Variants in RALYL observed in about 807,000 individuals in gnomAD.
RALYL encodes the protein RALY RNA binding protein like, also known as RNA-binding Raly-like protein.
Under a neutral mutation model 35.1 loss-of-function variants are expected in RALYL, and 29 were observed. The observed-to-expected ratio is 0.83, with a 90% CI of 0.61 to 1.13. RALYL has a LOEUF of 1.13. Ranked by LOEUF, RALYL falls within the 50% of genes most tolerant of loss-of-function variation. The pLI, the probability that RALYL is intolerant of heterozygous loss-of-function variation, is 0.00. For missense variants in RALYL, 359 were observed against 360.4 expected (o/e 1.00, Z 0.03); for synonymous variants, 120 against 127.6 (o/e 0.94, Z 0.40).
chr8:84,620,973 T>C, intron 2 of RALYL, among the ~76,000 whole-genome samples: 1 of 152,138 alleles, frequency 6.6e-6, no homozygotes, highest in South Asian at 2.1e-4. Flanking sequence ...AGCTGCGTGC[T>C]GGGAGAACCA....
At chr8:84,336,967 C>T (rs1847914968) in intron 1 of RALYL, among the ~76,000 whole-genome samples, 1 of 150,486 alleles carries the variant, frequency 6.6e-6, no homozygotes, top group Admixed American at 6.7e-5. Flanking sequence ...TGGAAATCTG[C>T]ACACTACTAG....
At chr8:84,650,224 C>A (rs893518798) in intron 2 of RALYL, among the ~76,000 whole-genome samples, 17 of 152,132 alleles carry the variant, frequency 1.1e-4, no homozygotes, top group African/African-American at 3.9e-4. Flanking sequence ...ATGTCATCTG[C>A]AAACAGGGAC....
intron 1 of RALYL, among the ~76,000 whole-genome samples, chr8:84,237,104 A>G (rs1444258401): frequency 6.6e-6 from 1 of 152,212 alleles, no homozygotes; most frequent in East Asian, 1.9e-4. Context: ...CTAGCAGACC[A>G]AGAATACTGC....
chr8:84,418,943 A>G (rs1220472472), intron 1 of RALYL, among the ~76,000 whole-genome samples: 1 of 152,078 alleles, frequency 6.6e-6, no homozygotes, highest in Non-Finnish European at 1.5e-5. Context: ...TGCATTGTCT[A>G]AGTATCTCCC....
chr8:84,357,179 A>G (rs190690488), intron 1 of RALYL, among the ~76,000 whole-genome samples: 203 of 152,210 alleles, frequency 1.3e-3, no homozygotes, highest in African/African-American at 4.5e-3. Flanking sequence ...ACATTGTAGG[A>G]TGACACTTCT....
At chr8:84,397,507 G>C (rs1261856296) in intron 1 of RALYL, among the ~76,000 whole-genome samples, 1 of 152,052 alleles carries the variant, frequency 6.6e-6, no homozygotes, top group East Asian at 1.9e-4. Context: ...ACAAAGGTAG[G>C]CTAGCTGGTA....
chr8:84,228,564 G>A (rs1016552309), intron 1 of RALYL, among the ~76,000 whole-genome samples: 1 of 152,198 alleles, frequency 6.6e-6, no homozygotes, highest in Non-Finnish European at 1.5e-5. Context: ...ACTTCTATAT[G>A]TCTTAGGATA....
At chr8:84,425,931 G>A (rs1563908661) in intron 1 of RALYL, among the ~76,000 whole-genome samples, 1 of 151,774 alleles carries the variant, frequency 6.6e-6, no homozygotes, top group Non-Finnish European at 1.5e-5. Context: ...TGGGTTCATT[G>A]GAACTAGGAA....
At chr8:84,544,909 G>A (rs185338001) in intron 2 of RALYL, among the ~76,000 whole-genome samples, 2 of 151,744 alleles carry the variant, frequency 1.3e-5, no homozygotes, top group East Asian at 3.9e-4. Context: ...GTTTTAATTT[G>A]TATTTCTCTT....
chr8:84,468,529 G>C (rs991313090), intron 1 of RALYL, among the ~76,000 whole-genome samples: 12 of 149,480 alleles, frequency 8.0e-5, no homozygotes, highest in Non-Finnish European at 1.5e-4. Context: ...AGTCTGATGG[G>C]CTTCCCTTTG....
At chr8:84,709,331 G>A (rs893012586) in intron 2 of RALYL, among the ~76,000 whole-genome samples, 1 of 151,884 alleles carries the variant, frequency 6.6e-6, no homozygotes, top group African/African-American at 2.4e-5. Context: ...AGATCCTTGG[G>A]TGCCCATGGA....
chr8:84,889,869 C>T (rs1025904447), intron 8 of RALYL, among the ~76,000 whole-genome samples: 5 of 152,112 alleles, frequency 3.3e-5, no homozygotes, highest in Non-Finnish European at 5.9e-5. Context: ...GTTAATGCTA[C>T]TTCCAACTCA....
intron 1 of RALYL, among the ~76,000 whole-genome samples, chr8:84,444,235 G>T (rs548871508): frequency 3.3e-5 from 5 of 152,002 alleles, no homozygotes; most frequent in African/African-American, 4.8e-5. Context: ...AAGCTGAGGC[G>T]GGAGGATCCC....
intron 1 of RALYL, among the ~76,000 whole-genome samples, chr8:84,216,062 T>C (rs1820740559): frequency 6.6e-6 from 1 of 152,152 alleles, no homozygotes; most frequent in Non-Finnish European, 1.5e-5. Flanking sequence ...ACTTATCATA[T>C]ATTAAGGCAC....
chr8:84,770,468 G>A (rs1185325724), intron 2 of RALYL, among the ~76,000 whole-genome samples: 1 of 136,934 alleles, frequency 7.3e-6, no homozygotes, highest in Non-Finnish European at 1.6e-5. Context: ...CTTTGGGCTC[G>A]TTCCATATTT....
At chr8:84,797,803 T>C (rs1276217326) in intron 3 of RALYL, among the ~76,000 whole-genome samples, 1 of 152,216 alleles carries the variant, frequency 6.6e-6, no homozygotes, top group Non-Finnish European at 1.5e-5. Flanking sequence ...CTTGCTGGCT[T>C]GAGTAAGGCA....
At chr8:84,915,577 G>GT (rs1308672326) in intron 8 of RALYL, among the ~76,000 whole-genome samples, 1 of 152,014 alleles carries the variant, frequency 6.6e-6, no homozygotes, top group Non-Finnish European at 1.5e-5. Flanking sequence ...TAAGAGTTCT[G>GT]TATCATTTGA....
At chr8:84,403,522 C>CTTTTTTTTTTTTTTTTTTTTTT (rs2043136000) in intron 1 of RALYL, among the ~76,000 whole-genome samples, 2 of 52,118 alleles carry the variant, frequency 3.8e-5, no homozygotes, top group Admixed American at 2.1e-4. Context: ...GTCTATATCT[C>CTTTTTTTTTTTTTTTTTTTTTT]TGTTTTTTTT....
chr8:84,610,757 G>A (rs1281498556), intron 2 of RALYL, among the ~76,000 whole-genome samples: 1 of 151,966 alleles, frequency 6.6e-6, no homozygotes, highest in Non-Finnish European at 1.5e-5. Flanking sequence ...TTTATTTGGG[G>A]GTTATTAGCC....
Sources: gnomAD v4.1 joint callset for allele counts (sites outside exome capture counted in the v4.1 genomes callset) on GRCh38, gnomAD v4.1.1 for gene constraint, MANE v1.5 for transcripts, NCBI Gene and HGNC (gene_info 2026-07-23, HGNC 2026-07-21) for gene names.